TMEM132D: variants seen among roughly 807,000 people sequenced by gnomAD.
TMEM132D encodes the protein mature OL transmembrane protein.
A neutral mutation model predicts 62.3 loss-of-function variants in TMEM132D; 21 were observed. That is an observed-to-expected ratio of 0.34 (90% CI 0.24 to 0.49). The LOEUF (loss-of-function observed/expected upper bound fraction) is 0.49. TMEM132D is among the 20% of genes least tolerant of loss of function. The pLI is 0.99. For synonymous variants in TMEM132D, 621 were observed against 575.6 expected (o/e 1.08, Z -1.13); for missense variants, 1,346 against 1,402.8 (o/e 0.96, Z 0.65).
At chr12:129,260,218 G>A (rs1464866344) in intron 4 of TMEM132D, among the ~76,000 whole-genome samples, 2 of 152,184 alleles carry the variant, frequency 1.3e-5, no homozygotes, top group Non-Finnish European at 1.5e-5. Flanking sequence ...CGAGTAGGGT[G>A]ATACAGAAAC....
intron 2 of TMEM132D, among the ~76,000 whole-genome samples, chr12:129,578,623 A>C (rs547217963): frequency 6.6e-6 from 1 of 152,168 alleles, no homozygotes; most frequent in Non-Finnish European, 1.5e-5. Context: ...TACATCCTAC[A>C]ATCTATACCA....
intron 2 of TMEM132D, among the ~76,000 whole-genome samples, chr12:129,684,739 C>A (rs1880865728): frequency 6.6e-6 from 1 of 151,950 alleles, no homozygotes; most frequent in Admixed American, 6.6e-5. Context: ...CTTCCTAGAG[C>A]TTTATTGAAT....
chr12:129,196,072 A>G (rs961174103), intron 5 of TMEM132D, among the ~76,000 whole-genome samples: 1 of 152,064 alleles, frequency 6.6e-6, no homozygotes, highest in African/African-American at 2.4e-5. Flanking sequence ...GGCTACAGTG[A>G]GCTGAGATGG....
At chr12:129,201,425 C>T (rs138500806) in intron 5 of TMEM132D, among the ~76,000 whole-genome samples, 48 of 152,260 alleles carry the variant, frequency 3.2e-4, no homozygotes, top group African/African-American at 1.1e-3. Context: ...GAGTCCACTG[C>T]CCTTCTCTGT....
intron 1 of TMEM132D, among the ~76,000 whole-genome samples, chr12:129,740,150 G>T (rs979193651): frequency 2.6e-5 from 4 of 152,066 alleles, no homozygotes; most frequent in African/African-American, 9.7e-5. Flanking sequence ...CTGGGGTCAG[G>T]TTCCTTAACA....
At chr12:129,388,310 A>AC (rs1308319495) in intron 3 of TMEM132D, among the ~76,000 whole-genome samples, 1 of 119,216 alleles carries the variant, frequency 8.4e-6, no homozygotes, top group African/African-American at 2.8e-5. Context: ...TAACACTAAC[A>AC]TGAATCCTAA....
intron 1 of TMEM132D, among the ~76,000 whole-genome samples, chr12:129,871,414 CTG>C (rs1200376680): frequency 6.6e-6 from 1 of 152,008 alleles, no homozygotes; most frequent in Non-Finnish European, 1.5e-5. Context: ...ATATTTCACA[CTG>C]TGTGTGTCCA....
Position 129,458,186 on chromosome 12 carries a change from AT to A in TMEM132D, c.1115+72872del, listed in dbSNP as rs1873542241. On this transcript the variant is annotated intron_variant, in intron 3 of 8. Coordinates refer to ENST00000422113, the MANE Select transcript of TMEM132D (RefSeq NM_133448.3). ...TCTCTGTAAATAGTCCCTCCACTAAATTTTCCTCTATTCCCTAGCTGAGTGT... is the reference window on the plus strand; with the variant it reads ...TCTCTGTAAATAGTCCCTCCACTAAATTTCCTCTATTCCCTAGCTGAGTGT... 2.0e-5 allele frequency among the ~76,000 whole-genome samples: 3 copies of A among 151,912 alleles called. No homozygotes were observed. The South Asian group carries it at 6.2e-4, about 32-fold the overall frequency.
At chr12:129,622,810 G>T (rs1879110162) in intron 2 of TMEM132D, among the ~76,000 whole-genome samples, 1 of 152,164 alleles carries the variant, frequency 6.6e-6, no homozygotes, top group African/African-American at 2.4e-5. Flanking sequence ...CAATTAGAGT[G>T]ACCCATTGTC....
intron 5 of TMEM132D, among the ~76,000 whole-genome samples, chr12:129,160,854 G>T (rs1232867579): frequency 1.3e-5 from 2 of 152,196 alleles, no homozygotes; most frequent in East Asian, 3.9e-4. Context: ...GAGTTTTCAT[G>T]TGTGGGTGAC....
At chr12:129,292,308 G>T (rs79237565) in intron 4 of TMEM132D, among the ~76,000 whole-genome samples, 19 of 152,158 alleles carry the variant, frequency 1.2e-4, no homozygotes, top group African/African-American at 4.3e-4. Context: ...GGTCAGCAGA[G>T]AAACAATGGA....
intron 1 of TMEM132D, among the ~76,000 whole-genome samples, chr12:129,870,520 G>A (rs527957661): frequency 5.0e-4 from 76 of 152,300 alleles, no homozygotes; most frequent in African/African-American, 1.8e-3. Context: ...TGAGCATGAT[G>A]CCCTGGATTC....
chr12:129,799,189 T>C (rs916600984), intron 1 of TMEM132D, among the ~76,000 whole-genome samples: 2 of 152,056 alleles, frequency 1.3e-5, no homozygotes, highest in Non-Finnish European at 2.9e-5. Context: ...CACTTGAACC[T>C]GGAGGGTGGA....
chr12:129,869,059 T>C (rs976632880), intron 1 of TMEM132D, among the ~76,000 whole-genome samples: 1 of 69,212 alleles, frequency 1.4e-5, no homozygotes, highest in Non-Finnish European at 3.3e-5. Flanking sequence ...TTTATTTTGC[T>C]TTGTGTTTTT....
intron 3 of TMEM132D, among the ~76,000 whole-genome samples, chr12:129,525,030 A>G (rs1178593359): frequency 2.3e-5 from 3 of 131,946 alleles, no homozygotes; most frequent in Non-Finnish European, 3.1e-5. Context: ...GGTTCAAGCG[A>G]CTCCCCTGCT....
At position 129,206,846 on chromosome 12, in the gene TMEM132D, A is replaced by G. The variant is rs530537993; in HGVS notation, c.1443+2674T>C. Among the ~76,000 whole-genome samples, 133 of 152,312 alleles carry G rather than the reference A, an allele frequency of 8.7e-4. 1 individual carries two copies. Among genetic ancestry groups the G allele is most frequent in the African/African-American group, 3.1e-3 (128 of 41,576 alleles). On this transcript the variant is annotated intron_variant, in intron 5 of 8. Transcript: ENST00000422113. ...AGGCCATTATCCTAACTAATACAGG[A>G]ATAGAAAACCAAATACTCCATGTTC...
Position 129,577,864 on chromosome 12 carries a change from AG to A in TMEM132D, c.969-46660del, listed in dbSNP as rs149945368. On this transcript the variant is annotated intron_variant, in intron 2 of 8. Transcript: ENST00000422113. ...CGTATGTGTCAATTTGACTGAGCTA[AG>A]GGATACTCAGATAGCTGATAAAACA... Among the ~76,000 whole-genome samples the A allele has an allele frequency of 5.3e-3, 800 of 152,278 alleles. 3 individuals carry two copies. The highest frequency in any genetic ancestry group is 0.018 in the African/African-American group (754 of 41,556).
At chr12:129,355,199 C>T (rs564493518) in intron 3 of TMEM132D, among the ~76,000 whole-genome samples, 22 of 152,156 alleles carry the variant, frequency 1.4e-4, no homozygotes, top group Non-Finnish European at 2.5e-4. Flanking sequence ...GGACTTTGTA[C>T]GACAATGTAG....
At chr12:129,137,861 C>T (rs1876630840) in intron 5 of TMEM132D, among the ~76,000 whole-genome samples, 1 of 151,730 alleles carries the variant, frequency 6.6e-6, no homozygotes, top group South Asian at 2.1e-4. Context: ...CACAATAGCC[C>T]TGGACTCCTT....
Sources: gnomAD v4.1 joint callset for allele counts (sites outside exome capture counted in the v4.1 genomes callset) on GRCh38, gnomAD v4.1.1 for gene constraint, MANE v1.5 for transcripts, NCBI Gene and HGNC (gene_info 2026-07-23, HGNC 2026-07-21) for gene names.